KCTD16: variants seen among roughly 807,000 people sequenced by gnomAD.
KCTD16 encodes potassium channel tetramerization domain containing 16, also known as BTB/POZ domain-containing protein KCTD16.
KCTD16 carries 13 observed loss-of-function variants against 33.2 expected under a neutral mutation model. The observed-to-expected ratio is 0.39, with a 90% CI of 0.25 to 0.62. The LOEUF (loss-of-function observed/expected upper bound fraction) is 0.62. Among genes scored for constraint, KCTD16 ranks in the 20% least tolerant of loss-of-function variants. The pLI is 0.50. For missense variants in KCTD16, 441 were observed against 525.1 expected (o/e 0.84, Z 1.57); for synonymous variants, 197 against 195.3 (o/e 1.01, Z -0.07).
chr5:144,303,907 G>A (rs185144218), intron 3 of KCTD16, among the ~76,000 whole-genome samples: 1 of 152,174 alleles, frequency 6.6e-6, no homozygotes, highest in South Asian at 2.1e-4. Context: ...ATTGGAGAGT[G>A]CATATCAACC....
chr5:144,258,664 T>C (rs1056159517), intron 3 of KCTD16, among the ~76,000 whole-genome samples: 2 of 152,242 alleles, frequency 1.3e-5, no homozygotes, highest in Non-Finnish European at 2.9e-5. Context: ...CACTGACATA[T>C]ATACTTTAAT....
At chr5:144,304,188 TA>T (rs1352864739) in intron 3 of KCTD16, among the ~76,000 whole-genome samples, 1 of 151,984 alleles carries the variant, frequency 6.6e-6, no homozygotes, top group East Asian at 1.9e-4. Flanking sequence ...TTAGATAGAA[TA>T]AAAAAAGACC....
At chr5:144,226,848 C>G (rs1753947807) in intron 3 of KCTD16, among the ~76,000 whole-genome samples, 1 of 152,234 alleles carries the variant, frequency 6.6e-6, no homozygotes, top group African/African-American at 2.4e-5. Flanking sequence ...GCTGGGATTA[C>G]AGGTGTGAGA....
rs371887691 is a variant in KCTD16, at chr5:144,249,760, G to A, written c.832+42214G>A. 1.1e-4 allele frequency among the ~76,000 whole-genome samples: 16 copies of A among 152,180 alleles called. No homozygotes were observed. In the East Asian group the frequency reaches 1.4e-3, roughly 13 times the overall value. The stretch of plus-strand genomic sequence containing the variant: ...TCCGTATTTTATATATGAAAATGAG[G>A]CTTACTAGAACCAGATAACTTTCTC... On this transcript the variant is annotated intron_variant, in intron 3 of 3. Transcript: ENST00000512467.
In KCTD16 at chr5:144,192,499, T is replaced by C. The variant is rs151124137; in HGVS notation, c.-326-13890T>C. 4.5e-4 allele frequency among the ~76,000 whole-genome samples: 68 copies of C among 152,340 alleles called. 3 individuals carry two copies. The East Asian group carries it at 0.012, about 27-fold the overall frequency. On this transcript the variant is annotated intron_variant, in intron 2 of 3. Coordinates refer to ENST00000512467, the MANE Select transcript of KCTD16 (RefSeq NM_020768.4). Reference sequence around the variant, plus strand: ...ACCAGGGAACGAATAAAGCGAAGGATTGTAACAAAATCAATTAATTCATCT... The same window carrying C: ...ACCAGGGAACGAATAAAGCGAAGGACTGTAACAAAATCAATTAATTCATCT...
At chr5:144,353,677 C>A (rs1751500506) in intron 3 of KCTD16, among the ~76,000 whole-genome samples, 1 of 152,148 alleles carries the variant, frequency 6.6e-6, no homozygotes, top group Non-Finnish European at 1.5e-5. Context: ...CTACTTCCAA[C>A]ATTTCTTGTT....
rs140647434 is a variant in KCTD16 at position 144,406,803 on chromosome 5, G to A, written c.833-66857G>A. On this transcript the variant is annotated intron_variant, in intron 3 of 3. Transcript: ENST00000512467. ...GAGATTCCAACTAAGTCGGTGATAT[G>A]CCAATCTATGCAAGCTTCTGCTGGG... 5.5e-4 allele frequency among the ~76,000 whole-genome samples: 84 copies of A among 152,318 alleles called. 1 individual carries two copies. The highest frequency in any genetic ancestry group is 1.7e-3 in the African/African-American group (71 of 41,572).
In KCTD16 at chr5:144,268,163, G is replaced by A. The variant is rs368580681; in HGVS notation, c.832+60617G>A. 1.3e-3 allele frequency among the ~76,000 whole-genome samples: 203 copies of A among 152,266 alleles called. 3 individuals are homozygous for A. In the South Asian group the frequency reaches 0.04, roughly 30 times the overall value. On this transcript the variant is annotated intron_variant, in intron 3 of 3. Transcript: ENST00000512467. ...ACTCCCAGCTCTGTGGCAGGCAGCT[G>A]TGCAGGTGTTACTGGAGCAGCTTGC...
At chr5:144,313,153 G>T (rs1174575328) in intron 3 of KCTD16, among the ~76,000 whole-genome samples, 3 of 152,194 alleles carry the variant, frequency 2.0e-5, no homozygotes, top group Non-Finnish European at 4.4e-5. Flanking sequence ...CAGTAAAAGT[G>T]AGTAGGAATG....
chr5:144,430,504 C>T (rs1753434353), intron 3 of KCTD16, among the ~76,000 whole-genome samples: 1 of 152,110 alleles, frequency 6.6e-6, no homozygotes, highest in Non-Finnish European at 1.5e-5. Flanking sequence ...CAAGTCAATT[C>T]ACCTCTCTGG....
chr5:144,207,762 A>G (rs182340105), intron 3 of KCTD16, among the ~76,000 whole-genome samples: 1 of 152,346 alleles, frequency 6.6e-6, no homozygotes, highest in African/African-American at 2.4e-5. Flanking sequence ...AAGGCCTCCA[A>G]AATAATAAAA....
In KCTD16 at chr5:144,280,648, G is replaced by A. The variant is rs1043176975; in HGVS notation, c.832+73102G>A. Among the ~76,000 whole-genome samples the A allele has an allele frequency of 2.0e-4, 30 of 152,262 alleles. 1 individual carries two copies. The South Asian group carries it at 6.0e-3, about 30-fold the overall frequency. ...GGTTTTAAAACATGTTTTCCGGCTG[G>A]GCGCAGTGGCTCACGCCTGTAATCC... is the stretch of plus-strand genomic sequence containing the variant. On this transcript the variant is annotated intron_variant, in intron 3 of 3. Coordinates refer to ENST00000512467, the MANE Select transcript of KCTD16 (RefSeq NM_020768.4).
chr5:144,309,673 G>A (rs947161822), intron 3 of KCTD16, among the ~76,000 whole-genome samples: 6 of 152,218 alleles, frequency 3.9e-5, no homozygotes, highest in East Asian at 1.9e-4. Context: ...TAGAGGCTAC[G>A]TATCTGCTTA....
chr5:144,342,130 A>C (rs1199237265), intron 3 of KCTD16, among the ~76,000 whole-genome samples: 3 of 152,090 alleles, frequency 2.0e-5, no homozygotes, highest in African/African-American at 7.3e-5. Flanking sequence ...TGGTAGCTTG[A>C]TGGGGATGGC....
At chr5:144,190,393 G>A (rs537184493) in intron 2 of KCTD16, among the ~76,000 whole-genome samples, 1 of 152,040 alleles carries the variant, frequency 6.6e-6, no homozygotes, top group Non-Finnish European at 1.5e-5. Flanking sequence ...CTCTCCTTCC[G>A]TTCTCTCTCT....
At chr5:144,464,213 A>G (rs553970031) in intron 3 of KCTD16, among the ~76,000 whole-genome samples, 7 of 152,346 alleles carry the variant, frequency 4.6e-5, no homozygotes, top group Non-Finnish European at 8.8e-5. Flanking sequence ...GCATTACAAT[A>G]TAAGTGATGG....
intron 3 of KCTD16, among the ~76,000 whole-genome samples, chr5:144,370,234 A>AG (rs894891618): frequency 6.6e-6 from 1 of 152,082 alleles, no homozygotes; most frequent in Non-Finnish European, 1.5e-5. Flanking sequence ...GCAGCTAAGG[A>AG]GGGGGTAGAA....
chr5:144,412,259 A>G (rs910145587), intron 3 of KCTD16, among the ~76,000 whole-genome samples: 1 of 152,242 alleles, frequency 6.6e-6, no homozygotes, highest in Non-Finnish European at 1.5e-5. Context: ...TAGCCAAAAT[A>G]TGGAATCAAC....
rs1754770144 is a variant in KCTD16 at position 144,484,783 on chromosome 5, G to A, written c.*10669G>A. 1.3e-5 allele frequency: 2 copies of A among 151,962 alleles called. No homozygotes were observed. The highest frequency in any genetic ancestry group is 2.4e-5 in the African/African-American group (1 of 41,416). 9.4% of individuals were successfully genotyped at this position (151,962 alleles called of 1,614,324 possible). A position where few individuals can be genotyped will look rare whatever the true frequency, so the allele number is the denominator to read the frequency against. ...TTGGGTCAGTTTGTTGCACATTGAT[G>A]AATAACAAGTGACACCCAATGAAAT... On this transcript the variant is annotated 3_prime_UTR_variant, in exon 4 of 4. Coordinates refer to ENST00000512467, the MANE Select transcript of KCTD16 (RefSeq NM_020768.4).
Sources: gnomAD v4.1 joint callset for allele counts (sites outside exome capture counted in the v4.1 genomes callset) on GRCh38, gnomAD v4.1.1 for gene constraint, MANE v1.5 for transcripts, NCBI Gene and HGNC (gene_info 2026-07-23, HGNC 2026-07-21) for gene names.